MECOM: variants seen among roughly 807,000 people sequenced by gnomAD.
MECOM encodes histone-lysine N-methyltransferase MECOM.
MECOM carries 13 observed loss-of-function variants against 116.3 expected under a neutral mutation model. The ratio of observed to expected loss-of-function variants is 0.11; its 90% CI spans 0.07 to 0.18. The LOEUF (loss-of-function observed/expected upper bound fraction) is 0.18, where lower values mean the gene tolerates loss of function less well. MECOM is among the 10% of genes least tolerant of loss of function. The pLI, the probability that MECOM is intolerant of heterozygous loss-of-function variation, is 1.00. For missense variants in MECOM, 1,299 were observed against 1,509.0 expected, an observed-to-expected ratio of 0.86 and a Z score of 2.31; for synonymous variants, 528 against 535.2, an observed-to-expected ratio of 0.99 and a Z score of 0.19.
chr3:169,217,509 G>A (rs1283630557), intron 2 of MECOM, among the ~76,000 whole-genome samples: 1 of 152,084 alleles, frequency 6.6e-6, no homozygotes, highest in African/African-American at 2.4e-5. Flanking sequence ...AATAGGCCGA[G>A]CACGGTGGCT....
At chr3:169,662,229 C>G (rs920772289) in intron 1 of MECOM, among the ~76,000 whole-genome samples, 26 of 152,370 alleles carry the variant, frequency 1.7e-4, no homozygotes, top group African/African-American at 5.3e-4. Flanking sequence ...GGCCGCTCCG[C>G]GCCGGGCAGG....
At chr3:169,125,996 A>G (rs912542382) in intron 5 of MECOM, among the ~76,000 whole-genome samples, 1 of 152,142 alleles carries the variant, frequency 6.6e-6, no homozygotes, top group African/African-American at 2.4e-5. Flanking sequence ...ATGTGGCTAG[A>G]TCATATAATT....
chr3:169,493,081 G>A (rs994786787), intron 1 of MECOM, among the ~76,000 whole-genome samples: 2 of 152,178 alleles, frequency 1.3e-5, no homozygotes, highest in Non-Finnish European at 2.9e-5. Flanking sequence ...TTCAAGCGCT[G>A]AAACTTTAGC....
intron 2 of MECOM, among the ~76,000 whole-genome samples, chr3:169,266,615 TC>T (rs1407872938): frequency 3.3e-5 from 5 of 152,190 alleles, no homozygotes; most frequent in African/African-American, 4.8e-5. Flanking sequence ...CTTAGCTTTC[TC>T]CCATTGTTTC....
chr3:169,167,046 C>T (rs1253926342), intron 2 of MECOM, among the ~76,000 whole-genome samples: 1 of 152,154 alleles, frequency 6.6e-6, no homozygotes, highest in Non-Finnish European at 1.5e-5. Flanking sequence ...ACAATCATGG[C>T]ATACTGATGC....
intron 2 of MECOM, among the ~76,000 whole-genome samples, chr3:169,167,598 C>A (rs1743787488): frequency 6.6e-6 from 1 of 152,174 alleles, no homozygotes; most frequent in Admixed American, 6.5e-5. Context: ...TCTATAATTG[C>A]TTTTCACCAT....
At chr3:169,149,074 T>C (rs1028401579) in intron 2 of MECOM, among the ~76,000 whole-genome samples, 3 of 143,860 alleles carry the variant, frequency 2.1e-5, no homozygotes, top group African/African-American at 5.6e-5. Flanking sequence ...TTGTCGGAGC[T>C]TTCTTTTTTT....
rs115966694 is a variant in MECOM, at chr3:169,106,677, C to T, written c.2604+1249G>A. ...CTTGGTAAGTTGGTACAATCATTGG[C>T]CATGTATGTAAGGGGTCAACACCTT... is the stretch of plus-strand genomic sequence containing the variant. On this transcript the variant is annotated intron_variant, in intron 10 of 16. Transcript: ENST00000651503. Among the ~76,000 whole-genome samples, 1,137 of 152,114 alleles carry T rather than the reference C, an allele frequency of 7.5e-3. 11 individuals are homozygous for T. Among genetic ancestry groups the T allele is most frequent in the Non-Finnish European group, 0.012 (824 of 67,954 alleles).
intron 1 of MECOM, among the ~76,000 whole-genome samples, chr3:169,402,173 G>T (rs1325837826): frequency 6.6e-6 from 1 of 152,150 alleles, no homozygotes; most frequent in Admixed American, 6.5e-5. Context: ...AAACTTCAAT[G>T]AGCTCATATA....
chr3:169,332,616 T>C (rs1438724224), intron 2 of MECOM, among the ~76,000 whole-genome samples: 1 of 152,202 alleles, frequency 6.6e-6, no homozygotes, highest in African/African-American at 2.4e-5. Context: ...TACTCATATA[T>C]ACACAGATAC....
intron 1 of MECOM, among the ~76,000 whole-genome samples, chr3:169,440,574 G>A (rs975602340): frequency 2.0e-5 from 3 of 147,520 alleles, no homozygotes; most frequent in Non-Finnish European, 4.5e-5. Context: ...TGGGGTTGGG[G>A]TGGGGGAAGA....
At chr3:169,118,410 A>C (rs1420899647) in intron 7 of MECOM, among the ~76,000 whole-genome samples, 2 of 152,208 alleles carry the variant, frequency 1.3e-5, no homozygotes, top group Non-Finnish European at 2.9e-5. Flanking sequence ...AGTCAGCTTT[A>C]AAAGTATATA....
At chr3:169,384,211 T>C (rs916891686) in intron 1 of MECOM, among the ~76,000 whole-genome samples, 3 of 152,204 alleles carry the variant, frequency 2.0e-5, no homozygotes, top group African/African-American at 7.2e-5. Context: ...ATCTAACATA[T>C]AATTTTATTA....
intron 1 of MECOM, among the ~76,000 whole-genome samples, chr3:169,584,481 C>T (rs952057581): frequency 1.3e-4 from 19 of 150,208 alleles, no homozygotes; most frequent in Admixed American, 9.4e-4. Context: ...AGGAGAATGG[C>T]GTGAACCCAA....
intron 1 of MECOM, among the ~76,000 whole-genome samples, chr3:169,604,022 T>G (rs961425104): frequency 2.0e-5 from 3 of 152,200 alleles, no homozygotes; most frequent in Non-Finnish European, 2.9e-5. Context: ...GTTTTTAAAG[T>G]TTCTAAGGAA....
intron 1 of MECOM, among the ~76,000 whole-genome samples, chr3:169,403,174 A>C (rs1736159365): frequency 6.6e-6 from 1 of 152,196 alleles, no homozygotes; most frequent in South Asian, 2.1e-4. Context: ...CCCAGAGCAC[A>C]GTACTGGGTG....
At chr3:169,561,478 G>C (rs1762627825) in intron 1 of MECOM, among the ~76,000 whole-genome samples, 1 of 152,186 alleles carries the variant, frequency 6.6e-6, no homozygotes, top group East Asian at 1.9e-4. Context: ...AGGGAAAGAA[G>C]ATCAGGATAA....
At chr3:169,315,890 C>T (rs961786537) in intron 2 of MECOM, among the ~76,000 whole-genome samples, 9 of 151,962 alleles carry the variant, frequency 5.9e-5, no homozygotes, top group African/African-American at 2.2e-4. Context: ...AAAGGCATAG[C>T]CCCATAACAT....
intron 2 of MECOM, among the ~76,000 whole-genome samples, chr3:169,162,964 G>A (rs1043524222): frequency 1.3e-5 from 2 of 151,430 alleles, no homozygotes; most frequent in African/African-American, 4.9e-5. Context: ...TCAGATAATG[G>A]GTCTTCCTAT....
Sources: gnomAD v4.1 joint callset for allele counts (sites outside exome capture counted in the v4.1 genomes callset) on GRCh38, gnomAD v4.1.1 for gene constraint, MANE v1.5 for transcripts, NCBI Gene and HGNC (gene_info 2026-07-23, HGNC 2026-07-21) for gene names.